RLF: variants seen among roughly 807,000 people sequenced by gnomAD.
The protein encoded by RLF is RLF zinc finger, also known as zinc finger protein Rlf.
In RLF, 7 loss-of-function variants were observed where a neutral mutation model predicts 162.9. The ratio of observed to expected loss-of-function variants is 0.04; its 90% CI spans 0.02 to 0.08. The LOEUF (loss-of-function observed/expected upper bound fraction) is 0.08. Ranked by LOEUF, RLF falls within the 10% of genes least tolerant of loss-of-function variation. RLF has a pLI of 1.00. For missense variants in RLF, 1,664 were observed against 2,244.7 expected, an observed-to-expected ratio of 0.74 and a Z score of 5.23; for synonymous variants, 782 against 791.5, an observed-to-expected ratio of 0.99 and a Z score of 0.20.
chr1:40,184,095 T>C (rs1026456390), intron 1 of RLF, among the ~76,000 whole-genome samples: 3 of 151,844 alleles, frequency 2.0e-5, no homozygotes, highest in African/African-American at 7.3e-5. Context: ...TGAGGGGAGA[T>C]TTTTTTTGCT....
chr1:40,237,450 A>G lies in RLF; in HGVS notation c.2748A>G (p.Leu916=). The G allele has an allele frequency of 6.2e-7, 1 of 1,614,130 alleles. No homozygotes were observed. The change falls in exon 8 of 8, where the codon CTA becomes CTG. Residue 916 remains leucine (L), a synonymous_variant. Transcript: ENST00000372771. This position sits in a 1 kb window ranked among gnomAD's most constrained non-coding sequence, Gnocchi z 4.4. ...ASMNEELIDT[L]DHSETMQDVL... ...TGAATGAAGAGCTAATTGACACACTAGATCACTCTGAAACTATGCAGGATG... is the reference window on the plus strand; with the variant it reads ...TGAATGAAGAGCTAATTGACACACTGGATCACTCTGAAACTATGCAGGATG...
At chr1:40,167,991 C>T (rs897663700) in intron 1 of RLF, among the ~76,000 whole-genome samples, 21 of 150,490 alleles carry the variant, frequency 1.4e-4, no homozygotes, top group African/African-American at 3.9e-4. Flanking sequence ...GAGACCAAGA[C>T]GAGAGGATCC....
At chr1:40,232,077 G>A (rs944688916) in intron 7 of RLF, among the ~76,000 whole-genome samples, 1 of 151,944 alleles carries the variant, frequency 6.6e-6, no homozygotes, top group Admixed American at 6.6e-5. Context: ...GCATGGTGGC[G>A]GGCGCCTGTA....
intron 2 of RLF, 126 bp from the exon 3 acceptor site, chr1:40,190,646 A>G (rs1570531377): frequency 1.7e-6 from 1 of 598,068 alleles, no homozygotes; most frequent in East Asian, 3.1e-5. Context: ...CTCTGAAGCA[A>G]ATTTTGAAGA....
rs755676784 is a variant in RLF, at chr1:40,190,817, A to G, written c.438A>G (p.Pro146=). 4.3e-6 allele frequency: 7 copies of G among 1,613,310 alleles called. No homozygotes were observed. The East Asian group carries it at 1.6e-4, about 36-fold the overall frequency. Residue 146 remains proline, a synonymous_variant, in exon 3 of 8, where the codon CCA becomes CCG. Coordinates refer to ENST00000372771, the MANE Select transcript of RLF (RefSeq NM_012421.4). Reference sequence around the variant, plus strand: ...TTTCAGTGTCTGAAAGTGAACTGCCATGTGAAGTCTGGCTACCATTCCTTC... The same window carrying G: ...TTTCAGTGTCTGAAAGTGAACTGCCGTGTGAAGTCTGGCTACCATTCCTTC... ...LLLSVSESEL[P]CEVWLPFLQS...
intron 1 of RLF, among the ~76,000 whole-genome samples, chr1:40,164,590 G>C (rs1201492054): frequency 6.6e-6 from 1 of 152,192 alleles, no homozygotes; most frequent in East Asian, 1.9e-4. Flanking sequence ...GTGTGGATAA[G>C]ATTAACTTTA....
Position 40,202,387 on chromosome 1 carries a change from CTG to C in RLF, c.608-23_608-22del, listed in dbSNP as rs56855535. On this transcript the variant is annotated intron_variant, in intron 4 of 7. Coordinates refer to ENST00000372771, the MANE Select transcript of RLF (RefSeq NM_012421.4). Reference sequence around the variant, plus strand: ...ACATGTTATGTGGTATGTTGTCAAACTGTTTTATTTTTCATTTTTTCTAGTCA... The same window carrying C: ...ACATGTTATGTGGTATGTTGTCAAACTTTTATTTTTCATTTTTTCTAGTCA... 18,793 of 1,489,328 alleles carry C rather than the reference CTG, an allele frequency of 0.013. 1,187 individuals carry two copies. In the African/African-American group the frequency reaches 0.17, roughly 14 times the overall value. The allele number at this position is 1,489,328 out of a possible 1,614,324, so 92.3% of individuals were successfully genotyped here. A position where few individuals can be genotyped will look rare whatever the true frequency, so the allele number is the denominator to read the frequency against.
At chr1:40,194,513 G>C (rs867829411) in intron 3 of RLF, among the ~76,000 whole-genome samples, 1 of 151,282 alleles carries the variant, frequency 6.6e-6, no homozygotes, top group Non-Finnish European at 1.5e-5. Flanking sequence ...GGTGGCAGGC[G>C]CCTGTAATCC....
chr1:40,181,905 G>A (rs575907858), intron 1 of RLF, among the ~76,000 whole-genome samples: 1 of 152,178 alleles, frequency 6.6e-6, no homozygotes, highest in South Asian at 2.1e-4. Context: ...GGATACATGG[G>A]AAAAGTTAGA....
intron 6 of RLF, among the ~76,000 whole-genome samples, chr1:40,226,682 ATTTTT>A (rs995131984): frequency 6.6e-6 from 1 of 150,736 alleles, no homozygotes; most frequent in South Asian, 2.1e-4. Flanking sequence ...AGCTTTAAAA[ATTTTT>A]TTTTTCTGTA....
At position 40,239,757 on chromosome 1, in the gene RLF, G is replaced by A; in HGVS notation, c.5055G>A (p.Gln1685=). 1 of 1,614,176 alleles carries A rather than the reference G, an allele frequency of 6.2e-7. No individual in the cohort carries two copies. Among genetic ancestry groups the A allele is most frequent in the Non-Finnish European group, 8.5e-7 (1 of 1,180,010 alleles). The change falls in exon 8 of 8, where the codon CAG becomes CAA. Residue 1685 remains glutamine, a synonymous_variant. Transcript: ENST00000372771. ...NHSSKTTSLE[Q]CNIVQPPPPC... is the part of the protein sequence containing the mutation. ...GTTCCAAAACCACTTCCCTAGAACA[G>A]TGTAATATAGTTCAGCCTCCTCCTC...
At chr1:40,231,947 C>T (rs1390802336) in intron 7 of RLF, among the ~76,000 whole-genome samples, 4 of 152,206 alleles carry the variant, frequency 2.6e-5, no homozygotes, top group African/African-American at 9.6e-5. Context: ...GTGGCTCAAG[C>T]CTGTAATCCC....
chr1:40,191,784 T>C (rs1051179083), intron 3 of RLF, among the ~76,000 whole-genome samples: 15 of 152,214 alleles, frequency 9.9e-5, no homozygotes, highest in African/African-American at 1.2e-4. Context: ...TATGTACCAA[T>C]CACTGCTTTA....
chr1:40,221,917 A>AAG (rs1553175890), intron 5 of RLF, among the ~76,000 whole-genome samples: 1 of 150,284 alleles, frequency 6.7e-6, no homozygotes, highest in African/African-American at 2.5e-5. Flanking sequence ...AAAAAAAAAA[A>AAG]AGAGAAAGGA....
In RLF at chr1:40,182,674, C is replaced by A. The variant is rs61780425; in HGVS notation, c.238-6381C>A. Among the ~76,000 whole-genome samples, 554 of 151,910 alleles carry A rather than the reference C, an allele frequency of 3.6e-3. 13 individuals carry two copies. Among genetic ancestry groups the A allele is most frequent in the East Asian group, 0.032 (164 of 5,170 alleles). On this transcript the variant is annotated intron_variant, in intron 1 of 7. Transcript: ENST00000372771. ...GGCAGAATCGGTATCTAAAAATAATCTTAGTAGGCTGAGATTGATGGACTG... is the reference window on the plus strand; with the variant it reads ...GGCAGAATCGGTATCTAAAAATAATATTAGTAGGCTGAGATTGATGGACTG...
chr1:40,220,097 G>A (rs1294306875), intron 5 of RLF, among the ~76,000 whole-genome samples: 1 of 152,110 alleles, frequency 6.6e-6, no homozygotes. Context: ...TTAGCCGGGC[G>A]TGGTGTAGTA....
In RLF at chr1:40,212,926, A is replaced by G. The variant is rs9439014; in HGVS notation, c.811-9648A>G. ...TGTAGTTTAAGTAAGAATCAAGATT[A>G]AGATGAACTCTGAACAAGGAATAAT... On this transcript the variant is annotated intron_variant, in intron 5 of 7. Transcript: ENST00000372771. 5.0e-3 allele frequency among the ~76,000 whole-genome samples: 758 copies of G among 152,294 alleles called. 11 individuals are homozygous for G. The highest frequency in any genetic ancestry group is 0.018 in the African/African-American group (734 of 41,552).
chr1:40,220,726 T>C (rs961313049), intron 5 of RLF, among the ~76,000 whole-genome samples: 5 of 152,208 alleles, frequency 3.3e-5, no homozygotes, highest in African/African-American at 1.2e-4. Flanking sequence ...GCTATTTTTC[T>C]TACAGGATTT....
intron 7 of RLF, among the ~76,000 whole-genome samples, chr1:40,232,492 A>G (rs1643165190): frequency 6.6e-6 from 1 of 152,216 alleles, no homozygotes; most frequent in African/African-American, 2.4e-5. Context: ...AAGTTCTATC[A>G]GAGGCTCTGT....
Sources: allele counts gnomAD v4.1 joint callset (sites outside exome capture counted in the v4.1 genomes callset), GRCh38; gene constraint gnomAD v4.1.1; non-coding constraint Gnocchi (gnomAD v3.1); transcripts MANE v1.5; gene names NCBI Gene and HGNC (gene_info 2026-07-23, HGNC 2026-07-21).